The following LDHA variants were observed in gnomAD, a reference collection of about 807,000 sequenced individuals.
The protein encoded by LDHA is lactate dehydrogenase A.
A neutral mutation model predicts 36.3 loss-of-function variants in LDHA; 10 were observed. The ratio of observed to expected loss-of-function variants is 0.28; its 90% CI spans 0.17 to 0.47. The LOEUF (loss-of-function observed/expected upper bound fraction) is 0.47. Ranked by LOEUF, LDHA falls within the 20% of genes least tolerant of loss-of-function variation. LDHA has a pLI of 0.99. For missense variants in LDHA, 267 were observed against 405.8 expected (o/e 0.66, Z 2.94); for synonymous variants, 110 against 136.7 (o/e 0.80, Z 1.36).
chr11:18,398,495 C>G (rs1590212411), intron 2 of LDHA: 3 of 151,850 alleles, frequency 2.0e-5, no homozygotes, highest in African/African-American at 2.4e-5. Context: ...AAGTGATTCT[C>G]CTGCCTCAGC....
At position 18,396,874 on chromosome 11, in the gene LDHA, A is replaced by C; in HGVS notation, c.32A>C (p.Asn11Thr). MATLKDQLIY[N>T]LLKEEQTPQN... is the part of the protein sequence containing the mutation. ...ACTCTAAAGGATCAGCTGATTTATAATCTTCTAAAGGAAGAACAGACCCCC... is the reference window on the plus strand; with the variant it reads ...ACTCTAAAGGATCAGCTGATTTATACTCTTCTAAAGGAAGAACAGACCCCC... Residue 11 changes from asparagine (N) to threonine (T), a missense_variant, in exon 2 of 8, where the codon AAT becomes ACT. Asn to Thr is a moderately conservative substitution (Grantham distance 65). Transcript: ENST00000422447. 6.2e-6 allele frequency: 10 copies of C among 1,613,478 alleles called. No individual in the cohort carries two copies. The highest frequency in any genetic ancestry group is 8.5e-6 in the Non-Finnish European group (10 of 1,179,496).
chr11:18,403,659 A>G (rs1158951606), intron 5 of LDHA, 35 bp from the exon 6 acceptor site: 2 of 1,214,158 alleles, frequency 1.6e-6, no homozygotes, highest in Non-Finnish European at 2.5e-6. Context: ...CTGTTGGTAC[A>G]TGAAAATAAA....
At chr11:18,401,709 C>T (rs1866510580) in intron 4 of LDHA, among the ~76,000 whole-genome samples, 2 of 150,868 alleles carry the variant, frequency 1.3e-5, no homozygotes, top group East Asian at 1.9e-4. Flanking sequence ...GATCTCCTGA[C>T]CTCGTGATCT....
At chr11:18,395,928 T>C (rs1019900186) in intron 1 of LDHA, among the ~76,000 whole-genome samples, 2 of 152,216 alleles carry the variant, frequency 1.3e-5, no homozygotes, top group African/African-American at 4.8e-5. Flanking sequence ...TCCCTCCCGG[T>C]TGGTTAACAG....
At chr11:18,395,882 G>A (rs780963300) in intron 1 of LDHA, among the ~76,000 whole-genome samples, 1 of 152,224 alleles carries the variant, frequency 6.6e-6, no homozygotes, top group Non-Finnish European at 1.5e-5. Flanking sequence ...ACAGGCCTTT[G>A]CAACAAGGAT....
chr11:18,396,636 CCT>C, intron 1 of LDHA, 181 bp from the exon 2 acceptor site: 1 of 1,409,994 alleles, frequency 7.1e-7, no homozygotes, highest in Non-Finnish European at 9.2e-7. Context: ...CTTCACAGAC[CCT>C]GTCATTAGGC....
At chr11:18,406,125 C>T (rs556188652) in intron 7 of LDHA, among the ~76,000 whole-genome samples, 2 of 152,084 alleles carry the variant, frequency 1.3e-5, no homozygotes, top group Non-Finnish European at 2.9e-5. Context: ...GCCACCACGC[C>T]CGGCTACTTT....
In LDHA at chr11:18,407,333, G is replaced by A; in HGVS notation, c.*52G>A. ...TGTCTAGGCTACAACAGGATTCTAGGTGGAGGTTGTGCATGTTGTCCTTTT... is the reference window on the plus strand; with the variant it reads ...TGTCTAGGCTACAACAGGATTCTAGATGGAGGTTGTGCATGTTGTCCTTTT... On this transcript the variant is annotated 3_prime_UTR_variant, in exon 8 of 8. Transcript: ENST00000422447. The A allele has an allele frequency of 6.2e-7, 1 of 1,611,930 alleles. No homozygotes were observed. Among genetic ancestry groups the A allele is most frequent in the South Asian group, 1.1e-5 (1 of 90,994 alleles).
intron 1 of LDHA, among the ~76,000 whole-genome samples, chr11:18,395,631 C>A (rs1213367215): frequency 6.6e-6 from 1 of 152,174 alleles, no homozygotes; most frequent in Non-Finnish European, 1.5e-5. Flanking sequence ...GGGCTGACTG[C>A]CTGCCTAGAG....
chr11:18,396,176 C>G (rs961685163), intron 1 of LDHA: 1 of 203,394 alleles, frequency 4.9e-6, no homozygotes, highest in East Asian at 1.1e-4. Context: ...TCCCAACGGC[C>G]GGAGGCCGCT....
At chr11:18,401,712 C>A (rs1374786304) in intron 4 of LDHA, among the ~76,000 whole-genome samples, 1 of 146,428 alleles carries the variant, frequency 6.8e-6, no homozygotes, top group South Asian at 2.2e-4. Context: ...CTCCTGACCT[C>A]GTGATCTGCC....
rs1307409209 is a variant in LDHA at position 18,407,896 on chromosome 11, A to T, written c.*615A>T. The T allele has an allele frequency of 2.2e-6, 1 of 453,988 alleles. No homozygotes were observed. The highest frequency in any genetic ancestry group is 2.0e-5 in the African/African-American group (1 of 49,994). 28.1% of individuals were successfully genotyped at this position (453,988 alleles called of 1,614,324 possible). A position where few individuals can be genotyped will look rare whatever the true frequency, so the allele number is the denominator to read the frequency against. On this transcript the variant is annotated 3_prime_UTR_variant, in exon 8 of 8. Transcript: ENST00000422447. ...TAAGATATAAAGTCATAAAGCTGCT[A>T]GTTATTATATTAATTTGGAAATATT...
chr11:18,396,293 C>G (rs915490489), intron 1 of LDHA: 4 of 375,222 alleles, frequency 1.1e-5, no homozygotes, highest in African/African-American at 2.1e-5. Context: ...GCCGGGCGTT[C>G]GGAGGACCCA....
chr11:18,399,646 A>T (rs144943684), intron 3 of LDHA, 98 bp downstream of exon 3: 3 of 888,940 alleles, frequency 3.4e-6, no homozygotes, highest in Admixed American at 3.4e-5. Context: ...CAGTTGCACA[A>T]TTATGGCTCA....
Position 18,395,272 on chromosome 11 carries a change from C to A in LDHA, c.-25+636C>A, listed in dbSNP as rs542070033. On this transcript the variant is annotated intron_variant, in intron 1 of 7. Transcript: ENST00000422447. ...CATCCCAGCCCTTCCGCACCTCAGA[C>A]GGTCAGTTGAGTAGGATCCGCCGGT... 10 of 155,502 alleles carry A rather than the reference C, an allele frequency of 6.4e-5. No homozygotes were observed. In the South Asian group the frequency reaches 1.7e-3, roughly 26 times the overall value. 9.6% of individuals were successfully genotyped at this position (155,502 alleles called of 1,614,324 possible). A position where few individuals can be genotyped will look rare whatever the true frequency, so the allele number is the denominator to read the frequency against.
Position 18,405,660 on chromosome 11 carries a change from T to G in LDHA, c.834+88T>G, listed in dbSNP as rs1866657869. 2.9e-6 allele frequency: 4 copies of G among 1,379,938 alleles called. No individual in the cohort carries two copies. The Admixed American group carries it at 5.1e-5, about 17-fold the overall frequency. 85.5% of individuals were successfully genotyped at this position (1,379,938 alleles called of 1,614,324 possible). A position where few individuals can be genotyped will look rare whatever the true frequency, so the allele number is the denominator to read the frequency against. ...TTCTGAGAAAGATTAATACAAGTCT[T>G]CCATTACTGACTTAAGTGAAATAAA... On this transcript the variant is annotated intron_variant, in intron 7 of 7. Coordinates refer to ENST00000422447, the MANE Select transcript of LDHA (RefSeq NM_005566.4).
chr11:18,399,651 G>A, intron 3 of LDHA, 103 bp downstream of exon 3: 2 of 857,124 alleles, frequency 2.3e-6, no homozygotes, highest in South Asian at 1.3e-5. Context: ...GCACAATTAT[G>A]GCTCACCACA....
At chr11:18,401,955 CTTTTT>C (rs1554961218) in intron 4 of LDHA, among the ~76,000 whole-genome samples, 2 of 52,264 alleles carry the variant, frequency 3.8e-5, no homozygotes, top group South Asian at 9.4e-4. Flanking sequence ...TTGTTATTCT[CTTTTT>C]TTTTTTTTTT....
chr11:18,402,769 C>G lies in LDHA; in HGVS notation c.419-71C>G, dbSNP rs140320099. ...CTAGTATCTGGTTAAGTGTTTTCTT[C>G]ATAGTAGGTATATCTTTTTTGTGTG... On this transcript the variant is annotated intron_variant, in intron 4 of 7. Coordinates refer to ENST00000422447, the MANE Select transcript of LDHA (RefSeq NM_005566.4). 6.0e-6 allele frequency: 7 copies of G among 1,176,322 alleles called. No homozygotes were observed. The East Asian group carries it at 1.6e-4, about 27-fold the overall frequency. 72.9% of individuals were successfully genotyped at this position (1,176,322 alleles called of 1,614,324 possible).
Sources: allele counts gnomAD v4.1 joint callset (sites outside exome capture counted in the v4.1 genomes callset), GRCh38; gene constraint gnomAD v4.1.1; transcripts MANE v1.5; gene names NCBI Gene and HGNC (gene_info 2026-07-23, HGNC 2026-07-21).